IGSF10: variants seen among roughly 807,000 people sequenced by gnomAD.
IGSF10 encodes calvaria mechanical force protein 608.
A neutral mutation model predicts 128.2 loss-of-function variants in IGSF10; 126 were observed. That is an observed-to-expected ratio of 0.98 (90% CI 0.85 to 1.14). The LOEUF (loss-of-function observed/expected upper bound fraction) is 1.14. Ranked by LOEUF, IGSF10 falls within the 50% of genes most tolerant of loss-of-function variation. IGSF10 has a pLI of 0.00. For missense variants in IGSF10, 3,295 were observed against 3,149.8 expected (o/e 1.05, Z -1.10); for synonymous variants, 1,185 against 1,146.2 (o/e 1.03, Z -0.68).
At position 151,446,227 on chromosome 3, in the gene IGSF10, A is replaced by T. The variant is rs199978965; in HGVS notation, c.3754T>A (p.Phe1252Ile). The change falls in exon 6 of 8, where the codon TTC becomes ATC. Residue 1252 changes from phenylalanine to isoleucine, a missense_variant. Physicochemically the swap from Phe to Ile is conservative, Grantham distance 21 (BLOSUM62 0). Coordinates refer to ENST00000282466, the MANE Select transcript of IGSF10 (RefSeq NM_178822.5). ...ATCACACTTGTTGAAAGTGTGGTGA[A>T]ATGGAAAGGGGAGACTTTGTCTCTG... Reference protein sequence around the residue: ...LPRDKVSPFHFTTLSTSVMQI... With the variant: ...LPRDKVSPFHITTLSTSVMQI... 2.4e-5 allele frequency: 38 copies of T among 1,613,548 alleles called. No homozygotes were observed. The highest frequency in any genetic ancestry group is 2.7e-5 in the Non-Finnish European group (32 of 1,179,624).
In IGSF10 at chr3:151,445,050, A is replaced by C; in HGVS notation, c.4931T>G (p.Ile1644Arg). Residue 1644 changes from isoleucine (I) to arginine (R), a missense_variant, in exon 6 of 8, where the codon ATA becomes AGA. By Grantham distance (97) the Ile-to-Arg change is moderately conservative. Transcript: ENST00000282466. ...TCCAACTATCCTGGGCTTTTCAAAT[A>C]TATACCTAGACAAAGAGTCAAAGGG... ...LLPFDSLSRYIFEKPRIVGGK... is the reference protein window; with the variant it reads ...LLPFDSLSRYRFEKPRIVGGK... 6.2e-7 allele frequency: 1 copy of C among 1,614,212 alleles called. No homozygotes were observed. Among genetic ancestry groups the C allele is most frequent in the African/African-American group, 1.3e-5 (1 of 75,060 alleles).
chr3:151,504,025 TTGGGATG>T, the IGSF10 span, among the ~76,000 whole-genome samples: 9 of 152,162 alleles, frequency 5.9e-5, no homozygotes, highest in African/African-American at 2.2e-4. Flanking sequence ...TAGGAGCAAT[TTGGGATG>T]TAGTGGCCTC....
chr3:151,448,581 G>A lies in IGSF10; in HGVS notation c.1400C>T (p.Pro467Leu). Residue 467 changes from proline to leucine, a missense_variant, in exon 6 of 8, where the codon CCA becomes CTA. Physicochemically the swap from Pro to Leu is moderately conservative, Grantham distance 98 (BLOSUM62 -3). Coordinates refer to ENST00000282466, the MANE Select transcript of IGSF10 (RefSeq NM_178822.5). Reference sequence around the variant, plus strand: ...AATCATAGTCCATTTGTGTTTCACTGGCCTCATCTCTGCTCTTGGTAAAGT... The same window carrying A: ...AATCATAGTCCATTTGTGTTTCACTAGCCTCATCTCTGCTCTTGGTAAAGT... ...QITLPRAEMR[P>L]VKHKWTMISR... 6.2e-7 allele frequency: 1 copy of A among 1,614,114 alleles called. No individual in the cohort carries two copies. Among genetic ancestry groups the A allele is most frequent in the South Asian group, 1.1e-5 (1 of 91,090 alleles).
chr3:151,597,298 C>T, the IGSF10 span, among the ~76,000 whole-genome samples: 2 of 152,134 alleles, frequency 1.3e-5, no homozygotes, highest in Admixed American at 6.5e-5. Context: ...ACCCAAATGT[C>T]TAATCATGAA....
chr3:151,515,047 A>G, the IGSF10 span, among the ~76,000 whole-genome samples: 284 of 152,224 alleles, frequency 1.9e-3, no homozygotes, highest in African/African-American at 6.5e-3. Flanking sequence ...AACCATTGTG[A>G]AAGTCAGTGT....
At chr3:151,461,154 G>T (rs900413727), upstream of IGSF10, 9 of 985,314 alleles carry the variant, frequency 9.1e-6, no homozygotes, top group African/African-American at 1.4e-4. Context: ...CGACCACCGG[G>T]CCCCTCTTTA....
At chr3:151,441,523 G>A (rs1720844619) in intron 7 of IGSF10, among the ~76,000 whole-genome samples, 1 of 152,074 alleles carries the variant, frequency 6.6e-6, no homozygotes, top group Non-Finnish European at 1.5e-5. Context: ...ATCAACTCGT[G>A]TCATTAGAAG....
chr3:151,605,931 T>C, the IGSF10 span, among the ~76,000 whole-genome samples: 1 of 152,260 alleles, frequency 6.6e-6, no homozygotes, highest in Non-Finnish European at 1.5e-5. Flanking sequence ...CCAGAGTTTC[T>C]GATTCTGTAG....
the IGSF10 span, among the ~76,000 whole-genome samples, chr3:151,495,722 G>A: frequency 6.6e-6 from 1 of 151,998 alleles, no homozygotes; most frequent in South Asian, 2.1e-4. Flanking sequence ...TAGCCAGAGG[G>A]GAGAAGGGGA....
At position 151,446,679 on chromosome 3, in the gene IGSF10, T is replaced by G; in HGVS notation, c.3302A>C (p.Glu1101Ala). ...KADIARVPSE[E>A]STTLVQNPLL... ...TGGATTCTGGACTAGAGTTGTAGAC[T>G]CTTCTGATGGGACTCTAGCAATGTC... The change falls in exon 6 of 8, where the codon GAG becomes GCG. Residue 1101 changes from glutamate (E) to alanine (A), a missense_variant. By Grantham distance (107) the Glu-to-Ala change is moderately radical. Transcript: ENST00000282466. 1 of 1,614,086 alleles carries G rather than the reference T, an allele frequency of 6.2e-7. No homozygotes were observed. Among genetic ancestry groups the G allele is most frequent in the Non-Finnish European group, 8.5e-7 (1 of 1,179,962 alleles).
chr3:151,560,708 C>CA, the IGSF10 span, among the ~76,000 whole-genome samples: 214 of 151,808 alleles, frequency 1.4e-3, 7 homozygotes, highest in East Asian at 0.037. Flanking sequence ...CATAGCCCCC[C>CA]CCTCCGTCCC....
chr3:151,543,378 T>C, the IGSF10 span, among the ~76,000 whole-genome samples: 1 of 152,196 alleles, frequency 6.6e-6, no homozygotes, highest in Non-Finnish European at 1.5e-5. Context: ...CTTGGATGTC[T>C]GCTCCAGCTC....
the IGSF10 span, among the ~76,000 whole-genome samples, chr3:151,482,172 G>A: frequency 6.6e-6 from 1 of 152,126 alleles, no homozygotes; most frequent in Non-Finnish European, 1.5e-5. Flanking sequence ...GGAACACAAT[G>A]ATTCTTCAGT....
the IGSF10 span, among the ~76,000 whole-genome samples, chr3:151,488,177 C>T: frequency 6.6e-6 from 1 of 151,626 alleles, no homozygotes; most frequent in Admixed American, 6.6e-5. Flanking sequence ...CATTCCTATA[C>T]ATCAATAACA....
In IGSF10 at chr3:151,448,563, G is replaced by A. The variant is rs768614481; in HGVS notation, c.1418C>T (p.Thr473Ile). The A allele has an allele frequency of 6.2e-7, 1 of 1,614,144 alleles. No individual in the cohort carries two copies. Among genetic ancestry groups the A allele is most frequent in the East Asian group, 2.2e-5 (1 of 44,890 alleles). ...AEMRPVKHKWTMISRDNNTKL... is the reference protein window; with the variant it reads ...AEMRPVKHKWIMISRDNNTKL... ...AGTATTGTTATCCCTTGAAATCATA[G>A]TCCATTTGTGTTTCACTGGCCTCAT... The change falls in exon 6 of 8, where the codon ACT becomes ATT. Residue 473 changes from threonine (T) to isoleucine (I), a missense_variant. Physicochemically the swap from Thr to Ile is moderately conservative, Grantham distance 89. Coordinates refer to ENST00000282466, the MANE Select transcript of IGSF10 (RefSeq NM_178822.5).
chr3:151,456,404 G>A (rs1457996114), intron 4 of IGSF10, among the ~76,000 whole-genome samples: 1 of 152,166 alleles, frequency 6.6e-6, no homozygotes, highest in Non-Finnish European at 1.5e-5. Context: ...AACAGTTTAA[G>A]TTTTAATAGA....
At chr3:151,464,950 C>T (rs1273464554), upstream of IGSF10, among the ~76,000 whole-genome samples, 2 of 152,162 alleles carry the variant, frequency 1.3e-5, no homozygotes, top group Non-Finnish European at 2.9e-5. Flanking sequence ...AGATCTCTAA[C>T]CTTTCAGAGC....
rs373177476 is a variant in IGSF10 at position 151,460,972 on chromosome 3, C to T, written c.-115G>A. The T allele has an allele frequency of 6.2e-5, 61 of 985,352 alleles. 1 individual carries two copies. The East Asian group carries it at 3.6e-3, about 59-fold the overall frequency. The allele number at this position is 985,352 out of a possible 1,614,324, so 61.0% of individuals were successfully genotyped here. A position where few individuals can be genotyped will look rare whatever the true frequency, so the allele number is the denominator to read the frequency against. ...TGTTTGCCCTGGTGACCAATGGGCT[C>T]GAGCTGCCCGGGCTAGGTCCCGGGC... On this transcript the variant is annotated 5_prime_UTR_variant, in exon 1 of 8. Coordinates refer to ENST00000282466, the MANE Select transcript of IGSF10 (RefSeq NM_178822.5).
At chr3:151,520,220 T>A in the IGSF10 span, among the ~76,000 whole-genome samples, 1 of 151,866 alleles carries the variant, frequency 6.6e-6, no homozygotes, top group Non-Finnish European at 1.5e-5. Context: ...GTTTGTTTTG[T>A]CTTCATAATG....
Sources: gnomAD v4.1 joint callset for allele counts (sites outside exome capture counted in the v4.1 genomes callset) on GRCh38, gnomAD v4.1.1 for gene constraint, MANE v1.5 for transcripts, NCBI Gene and HGNC (gene_info 2026-07-23, HGNC 2026-07-21) for gene names.